The following SUGCT variants were observed in gnomAD, a reference collection of about 807,000 sequenced individuals.
SUGCT encodes the protein succinyl-CoA:glutarate-CoA transferase, also known as succinyl-CoA:glutarate CoA-transferase.
In SUGCT, 41 loss-of-function variants were observed where a neutral mutation model predicts 55.0. That is an observed-to-expected ratio of 0.74 (90% CI 0.58 to 0.97). SUGCT has a LOEUF of 0.97. SUGCT is among the 50% of genes least tolerant of loss of function. The pLI is 0.00. For synonymous variants in SUGCT, 187 were observed against 200.4 expected (o/e 0.93, Z 0.56); for missense variants, 568 against 547.8 (o/e 1.04, Z -0.37).
intron 1 of SUGCT, among the ~76,000 whole-genome samples, chr7:40,140,260 G>A (rs1286547279): frequency 6.6e-6 from 1 of 152,044 alleles, no homozygotes; most frequent in African/African-American, 2.4e-5. Context: ...TTCTGCATAT[G>A]GCAATCCAAT....
chr7:41,026,861 G>A, the SUGCT span, among the ~76,000 whole-genome samples: 8 of 152,122 alleles, frequency 5.3e-5, no homozygotes, highest in South Asian at 6.2e-4. Flanking sequence ...GTGAAATCCC[G>A]TCTCTACTAA....
At chr7:40,190,093 G>A (rs1172448704) in intron 5 of SUGCT, among the ~76,000 whole-genome samples, 1 of 152,118 alleles carries the variant, frequency 6.6e-6, no homozygotes, top group African/African-American at 2.4e-5. Flanking sequence ...CTTTCTTAGA[G>A]GAGCTGGAAG....
At chr7:40,891,093 T>G in the SUGCT span, among the ~76,000 whole-genome samples, 1 of 151,804 alleles carries the variant, frequency 6.6e-6, no homozygotes, top group Admixed American at 6.6e-5. Context: ...CAAAGACAGG[T>G]CATTTGGGAT....
At chr7:40,740,354 C>A (rs966405186) in intron 12 of SUGCT, among the ~76,000 whole-genome samples, 8 of 151,220 alleles carry the variant, frequency 5.3e-5, no homozygotes, top group Non-Finnish European at 1.2e-4. Flanking sequence ...TGATTTCTTC[C>A]TTTTTAAATT....
At chr7:40,297,407 G>A (rs547449225) in intron 8 of SUGCT, among the ~76,000 whole-genome samples, 12 of 151,990 alleles carry the variant, frequency 7.9e-5, no homozygotes, top group South Asian at 2.1e-4. Flanking sequence ...TGCTGATGGC[G>A]TATTTCTTAT....
intron 1 of SUGCT, among the ~76,000 whole-genome samples, chr7:40,142,935 A>G (rs986700072): frequency 3.9e-5 from 6 of 152,260 alleles, no homozygotes; most frequent in African/African-American, 1.4e-4. Flanking sequence ...TCCAATCTAC[A>G]TTTTTATTAA....
chr7:40,324,248 A>ATATATATATATATATATATAT (rs1562681083), intron 9 of SUGCT, among the ~76,000 whole-genome samples: 18 of 111,050 alleles, frequency 1.6e-4, no homozygotes, highest in African/African-American at 3.1e-4. Flanking sequence ...TAAATAAATA[A>ATATATATATATATATATATAT]ATAAATATAT....
At chr7:40,871,941 G>A in the SUGCT span, among the ~76,000 whole-genome samples, 43 of 152,348 alleles carry the variant, frequency 2.8e-4, 1 homozygote, top group East Asian at 8.1e-3. Context: ...TCTGGGAGGA[G>A]GGTGGCAATT....
At chr7:40,877,281 C>T in the SUGCT span, among the ~76,000 whole-genome samples, 117 of 152,258 alleles carry the variant, frequency 7.7e-4, no homozygotes, top group Middle Eastern at 6.8e-3. Flanking sequence ...TACCCAAATG[C>T]GTGTCTGTAT....
intron 8 of SUGCT, among the ~76,000 whole-genome samples, chr7:40,275,392 T>C (rs1792397770): frequency 6.6e-6 from 1 of 152,208 alleles, no homozygotes; most frequent in Admixed American, 6.5e-5. Flanking sequence ...AGGAAGCTGG[T>C]TATACTGAAA....
chr7:40,357,721 A>G (rs994189649), intron 9 of SUGCT, among the ~76,000 whole-genome samples: 1 of 152,056 alleles, frequency 6.6e-6, no homozygotes, highest in Non-Finnish European at 1.5e-5. Context: ...TTAAAAATTT[A>G]TCTTTTTTCT....
At chr7:40,960,919 CTGTGACAATTTAAT>C in the SUGCT span, among the ~76,000 whole-genome samples, 1 of 152,148 alleles carries the variant, frequency 6.6e-6, no homozygotes, top group Non-Finnish European at 1.5e-5. Context: ...ATCACTGGTC[CTGTGACAATTTAAT>C]TGAGCAGGAA....
chr7:40,811,524 G>A (rs1202005349), intron 13 of SUGCT, among the ~76,000 whole-genome samples: 1 of 152,030 alleles, frequency 6.6e-6, no homozygotes, highest in Non-Finnish European at 1.5e-5. Flanking sequence ...TTTGTGTGTG[G>A]TGGTTTTTGT....
At chr7:40,435,714 G>C (rs562500121) in intron 9 of SUGCT, among the ~76,000 whole-genome samples, 4 of 152,008 alleles carry the variant, frequency 2.6e-5, no homozygotes, top group Non-Finnish European at 5.9e-5. Context: ...TGAGTTAACT[G>C]TCTGGTTCCT....
chr7:40,189,400 T>TTTTTTTTA (rs1785753347), intron 4 of SUGCT, 144 bp from the exon 5 acceptor site: 1 of 177,672 alleles, frequency 5.6e-6, no homozygotes, highest in Non-Finnish European at 1.2e-5. Flanking sequence ...TACACATACT[T>TTTTTTTTA]TTTTTTTTTT....
intron 7 of SUGCT, among the ~76,000 whole-genome samples, chr7:40,259,095 T>G (rs1408034163): frequency 6.6e-6 from 1 of 152,146 alleles, no homozygotes; most frequent in Admixed American, 6.5e-5. Context: ...CTCACTTATA[T>G]ATGGAATCCG....
chr7:40,714,142 CAACATGATGA>C (rs946586494), intron 12 of SUGCT, among the ~76,000 whole-genome samples: 42 of 152,114 alleles, frequency 2.8e-4, no homozygotes, highest in Admixed American at 9.8e-4. Context: ...CCAGCCTGCC[CAACATGATGA>C]AACCCTGTCT....
chr7:40,140,833 G>A (rs1168879926), intron 1 of SUGCT, among the ~76,000 whole-genome samples: 1 of 152,066 alleles, frequency 6.6e-6, no homozygotes, highest in South Asian at 2.1e-4. Flanking sequence ...TGGCTATTCG[G>A]GCTCATTTTT....
At chr7:40,895,122 TAGCCATAA>T in the SUGCT span, among the ~76,000 whole-genome samples, 1 of 152,160 alleles carries the variant, frequency 6.6e-6, no homozygotes, top group African/African-American at 2.4e-5. Flanking sequence ...GAATACTATG[TAGCCATAA>T]AAAAGAATGA....
Sources: allele counts gnomAD v4.1 joint callset (sites outside exome capture counted in the v4.1 genomes callset), GRCh38; gene constraint gnomAD v4.1.1; transcripts MANE v1.5; gene names NCBI Gene and HGNC (gene_info 2026-07-23, HGNC 2026-07-21).